Variants in SLC8A3 observed in about 807,000 individuals in gnomAD.
SLC8A3 encodes the protein solute carrier family 8 member A3.
A neutral mutation model predicts 65.4 loss-of-function variants in SLC8A3; 37 were observed. That is an observed-to-expected ratio of 0.57 (90% CI 0.44 to 0.74). The LOEUF (loss-of-function observed/expected upper bound fraction) is 0.74, where lower values mean the gene tolerates loss of function less well. Ranked by LOEUF, SLC8A3 falls within the 30% of genes least tolerant of loss-of-function variation. The probability of loss-of-function intolerance (pLI) is 0.00; values close to 1 mark genes in which losing one functional copy is unlikely to be tolerated. For synonymous variants in SLC8A3, 461 were observed against 444.5 expected (o/e 1.04, Z -0.47); for missense variants, 1,112 against 1,172.1 (o/e 0.95, Z 0.75).
At chr14:70,083,812 G>A (rs1477808268) in intron 2 of SLC8A3, among the ~76,000 whole-genome samples, 2 of 152,150 alleles carry the variant, frequency 1.3e-5, no homozygotes, top group African/African-American at 4.8e-5. Flanking sequence ...AGAAAATGAG[G>A]CCAGGGATCT....
chr14:70,177,014 A>C (rs1897949184), intron 1 of SLC8A3, among the ~76,000 whole-genome samples: 1 of 152,176 alleles, frequency 6.6e-6, no homozygotes, highest in Non-Finnish European at 1.5e-5. Flanking sequence ...AACCCAGCTT[A>C]TGTGTCACAG....
intron 1 of SLC8A3, among the ~76,000 whole-genome samples, chr14:70,186,861 G>C (rs906303699): frequency 6.6e-6 from 1 of 152,192 alleles, no homozygotes; most frequent in Admixed American, 6.5e-5. Flanking sequence ...AGCCCATAAA[G>C]GGTGAACTGA....
At chr14:70,181,337 G>T (rs572935638) in intron 1 of SLC8A3, among the ~76,000 whole-genome samples, 2 of 148,978 alleles carry the variant, frequency 1.3e-5, no homozygotes, top group South Asian at 4.3e-4. Context: ...CCTGCTTCAT[G>T]GGTGAGGGAG....
chr14:70,078,863 T>C (rs1325319218), intron 2 of SLC8A3, among the ~76,000 whole-genome samples: 1 of 152,200 alleles, frequency 6.6e-6, no homozygotes, highest in Admixed American at 6.5e-5. Flanking sequence ...CTACCAATCA[T>C]ATAAACCCAT....
chr14:70,114,584 T>A (rs1470420713), intron 2 of SLC8A3, among the ~76,000 whole-genome samples: 1 of 152,208 alleles, frequency 6.6e-6, no homozygotes, highest in Non-Finnish European at 1.5e-5. Context: ...AAGCACTCTC[T>A]AACCATCTCT....
intron 2 of SLC8A3, among the ~76,000 whole-genome samples, chr14:70,135,201 C>T (rs1895108043): frequency 6.6e-6 from 1 of 152,130 alleles, no homozygotes; most frequent in Non-Finnish European, 1.5e-5. Flanking sequence ...TATCATCTTA[C>T]CCCAGTCAGA....
chr14:70,149,439 A>T (rs565673534), intron 2 of SLC8A3, among the ~76,000 whole-genome samples: 40 of 152,316 alleles, frequency 2.6e-4, no homozygotes, highest in Middle Eastern at 3.4e-3. Context: ...AAGCAGCCCC[A>T]GCCTGACAGG....
chr14:70,114,841 G>A (rs1463923652), intron 2 of SLC8A3, among the ~76,000 whole-genome samples: 1 of 152,154 alleles, frequency 6.6e-6, no homozygotes, highest in Non-Finnish European at 1.5e-5. Context: ...CCTCTCCTGA[G>A]CGGGTGTGTG....
chr14:70,074,717 G>C (rs966111256), intron 2 of SLC8A3, among the ~76,000 whole-genome samples: 3 of 152,102 alleles, frequency 2.0e-5, no homozygotes, highest in African/African-American at 7.2e-5. Context: ...ACATTTAAGG[G>C]TACACCTAAA....
chr14:70,090,676 C>A (rs1433336104), intron 2 of SLC8A3, among the ~76,000 whole-genome samples: 1 of 152,046 alleles, frequency 6.6e-6, no homozygotes. Flanking sequence ...ATAGTGAATT[C>A]CTGATTCATA....
chr14:70,067,408 C>T (rs1198765566), intron 2 of SLC8A3, among the ~76,000 whole-genome samples: 1 of 152,188 alleles, frequency 6.6e-6, no homozygotes, highest in African/African-American at 2.4e-5. Flanking sequence ...CCAGTATCTC[C>T]AGGCAGTCTC....
At chr14:70,116,321 CTGTGTGTGTGTGTG>C (rs55890014) in intron 2 of SLC8A3, among the ~76,000 whole-genome samples, 3 of 147,768 alleles carry the variant, frequency 2.0e-5, no homozygotes, top group Non-Finnish European at 3.0e-5. Context: ...ATTGAGAACA[CTGTGTGTGTGTGTG>C]TGTGTGTGTG....
chr14:70,166,077 C>G (rs1014496563), intron 2 of SLC8A3, among the ~76,000 whole-genome samples: 1 of 152,218 alleles, frequency 6.6e-6, no homozygotes, highest in Non-Finnish European at 1.5e-5. Context: ...AAATTTCTAT[C>G]AATTTTGCAA....
intron 2 of SLC8A3, among the ~76,000 whole-genome samples, chr14:70,133,839 G>C (rs1179178053): frequency 6.6e-6 from 1 of 152,200 alleles, no homozygotes; most frequent in Non-Finnish European, 1.5e-5. Context: ...CCCTGGTCAT[G>C]TTGGGTCAAT....
intron 2 of SLC8A3, among the ~76,000 whole-genome samples, chr14:70,065,984 T>G (rs571379564): frequency 6.6e-6 from 1 of 152,318 alleles, no homozygotes; most frequent in East Asian, 1.9e-4. Context: ...AGCAACAAGC[T>G]CTGGGCTGGA....
intron 2 of SLC8A3, among the ~76,000 whole-genome samples, chr14:70,136,069 T>A (rs977114103): frequency 1.3e-5 from 2 of 151,926 alleles, no homozygotes; most frequent in Non-Finnish European, 2.9e-5. Context: ...AATAAATAAA[T>A]AAAAACTTCT....
intron 3 of SLC8A3, among the ~76,000 whole-genome samples, chr14:70,056,838 C>A (rs950113171): frequency 2.0e-5 from 3 of 152,150 alleles, no homozygotes; most frequent in African/African-American, 7.2e-5. Flanking sequence ...TTGTCTCTAG[C>A]CCTTGAATTT....
chr14:70,070,295 G>A (rs534448800), intron 2 of SLC8A3, among the ~76,000 whole-genome samples: 14 of 152,310 alleles, frequency 9.2e-5, no homozygotes, highest in African/African-American at 3.4e-4. Flanking sequence ...TGTTAGATAG[G>A]TAGAGGCCAG....
chr14:70,107,432 C>T (rs2081487), intron 2 of SLC8A3, among the ~76,000 whole-genome samples: 40,353 of 152,010 alleles, frequency 0.27, 6,484 homozygotes, highest in East Asian at 0.49. Context: ...TGCATCTATA[C>T]ATCAGATCCT....
Sources: allele counts gnomAD v4.1 joint callset (sites outside exome capture counted in the v4.1 genomes callset), GRCh38; gene constraint gnomAD v4.1.1; transcripts MANE v1.5; gene names NCBI Gene and HGNC (gene_info 2026-07-23, HGNC 2026-07-21).